Variants in DIAPH3 observed in about 807,000 individuals in gnomAD.
The protein encoded by DIAPH3 is diaphanous related formin 3, also known as protein diaphanous homolog 3.
Under a neutral mutation model 144.3 loss-of-function variants are expected in DIAPH3, and 117 were observed. The ratio of observed to expected loss-of-function variants is 0.81; its 90% CI spans 0.70 to 0.95. The LOEUF is 0.95. DIAPH3 is among the 40% of genes least tolerant of loss of function. The pLI is 0.00. For missense variants in DIAPH3, 1,421 were observed against 1,412.7 expected (o/e 1.01, Z -0.09); for synonymous variants, 519 against 488.9 (o/e 1.06, Z -0.81).
At chr13:60,089,940 G>A (rs1039426193) in intron 4 of DIAPH3, among the ~76,000 whole-genome samples, 1 of 152,080 alleles carries the variant, frequency 6.6e-6, no homozygotes, top group African/African-American at 2.4e-5. Flanking sequence ...CTTTAACAGC[G>A]GCAAAGAAAA....
intron 27 of DIAPH3, among the ~76,000 whole-genome samples, chr13:59,739,553 G>A (rs2036339742): frequency 6.6e-6 from 1 of 152,110 alleles, no homozygotes; most frequent in South Asian, 2.1e-4. Flanking sequence ...CTCTGGAACA[G>A]GCATTTTGTG....
At chr13:59,780,286 T>C (rs898419568) in intron 25 of DIAPH3, among the ~76,000 whole-genome samples, 2 of 152,164 alleles carry the variant, frequency 1.3e-5, no homozygotes, top group Non-Finnish European at 1.5e-5. Flanking sequence ...GAGTTACTCA[T>C]GTTAGGGACT....
chr13:59,757,392 C>CTTTTTT (rs558678599), intron 27 of DIAPH3, among the ~76,000 whole-genome samples: 1 of 93,046 alleles, frequency 1.1e-5, no homozygotes, highest in Non-Finnish European at 2.0e-5. Flanking sequence ...ATGGGTCATC[C>CTTTTTT]TTTTTTTTTT....
At chr13:59,878,466 T>A (rs1217198991) in intron 21 of DIAPH3, among the ~76,000 whole-genome samples, 2 of 152,148 alleles carry the variant, frequency 1.3e-5, no homozygotes, top group African/African-American at 4.8e-5. Flanking sequence ...AATTCCTTAA[T>A]CAGGGAGTGT....
At chr13:59,845,193 A>T (rs2042565533) in intron 22 of DIAPH3, among the ~76,000 whole-genome samples, 1 of 151,794 alleles carries the variant, frequency 6.6e-6, no homozygotes, top group Non-Finnish European at 1.5e-5. Flanking sequence ...TTATAGGCAT[A>T]AACCACCACC....
In DIAPH3 at chr13:59,796,759, A is replaced by C. The variant is rs115877614; in HGVS notation, c.3163+14029T>G. 9.3e-3 allele frequency among the ~76,000 whole-genome samples: 1,424 copies of C among 152,346 alleles called. 31 individuals are homozygous for C. The highest frequency in any genetic ancestry group is 0.032 in the African/African-American group (1,340 of 41,570). ...AAAGGGGGGAAAAAAACCATACTGT[A>C]TAAGAAGAGAGTCATATTTACTGTG... On this transcript the variant is annotated intron_variant, in intron 25 of 27. Coordinates refer to ENST00000400324, the MANE Select transcript of DIAPH3 (RefSeq NM_001042517.2).
At chr13:59,979,820 G>T (rs2050886450) in intron 14 of DIAPH3, among the ~76,000 whole-genome samples, 1 of 151,504 alleles carries the variant, frequency 6.6e-6, no homozygotes, top group South Asian at 2.1e-4. Context: ...GTTTGCTGTG[G>T]GTTCATCATG....
chr13:60,037,422 T>G (rs2141154236), intron 5 of DIAPH3, among the ~76,000 whole-genome samples: 1 of 152,026 alleles, frequency 6.6e-6, no homozygotes, highest in Non-Finnish European at 1.5e-5. Flanking sequence ...AGCATACAAG[T>G]GAAAAAAGAT....
intron 27 of DIAPH3, among the ~76,000 whole-genome samples, chr13:59,684,677 G>A (rs2033122610): frequency 6.6e-6 from 1 of 152,166 alleles, no homozygotes; most frequent in African/African-American, 2.4e-5. Context: ...ACAGCAGATA[G>A]ATCAGTAACA....
At chr13:60,160,048 C>A (rs932573162) in intron 1 of DIAPH3, among the ~76,000 whole-genome samples, 1 of 152,076 alleles carries the variant, frequency 6.6e-6, no homozygotes, top group African/African-American at 2.4e-5. Context: ...ACACGGTTAA[C>A]CCCGTCTCCA....
chr13:59,935,710 T>C (rs2048231663), intron 17 of DIAPH3, among the ~76,000 whole-genome samples: 1 of 152,188 alleles, frequency 6.6e-6, no homozygotes, highest in Admixed American at 6.5e-5. Flanking sequence ...TCTAGGCACA[T>C]AAATAAATGG....
At chr13:59,800,433 T>C (rs572558284) in intron 25 of DIAPH3, among the ~76,000 whole-genome samples, 1 of 152,306 alleles carries the variant, frequency 6.6e-6, no homozygotes, top group Admixed American at 6.5e-5. Context: ...TTCCGAAGAT[T>C]TCCCCATCAC....
intron 20 of DIAPH3, among the ~76,000 whole-genome samples, chr13:59,887,626 A>T (rs1466400652): frequency 6.6e-6 from 1 of 152,120 alleles, no homozygotes; most frequent in East Asian, 1.9e-4. Context: ...ATATTCCCAT[A>T]TGGTCTACCT....
chr13:59,678,367 A>C (rs2032755984), intron 27 of DIAPH3, among the ~76,000 whole-genome samples: 3 of 152,226 alleles, frequency 2.0e-5, no homozygotes, highest in Non-Finnish European at 4.4e-5. Flanking sequence ...CCTTAAAGAG[A>C]GTACTCAGGC....
intron 22 of DIAPH3, among the ~76,000 whole-genome samples, chr13:59,841,587 CTG>C (rs1421629352): frequency 2.0e-5 from 3 of 152,158 alleles, no homozygotes; most frequent in Admixed American, 6.6e-5. Flanking sequence ...GAGCAAGACC[CTG>C]TCTCTTTTAT....
At chr13:59,857,864 C>G (rs1240429658) in intron 22 of DIAPH3, among the ~76,000 whole-genome samples, 1 of 152,128 alleles carries the variant, frequency 6.6e-6, no homozygotes, top group Non-Finnish European at 1.5e-5. Flanking sequence ...CACCATGCAG[C>G]TCTGCATTGA....
chr13:59,862,437 G>C (rs561026200), intron 21 of DIAPH3, among the ~76,000 whole-genome samples: 24 of 152,186 alleles, frequency 1.6e-4, no homozygotes, highest in Non-Finnish European at 2.9e-5. Flanking sequence ...AGCATGAAGA[G>C]TGAGTTAAAA....
chr13:60,100,716 A>G (rs1460218912), intron 3 of DIAPH3, among the ~76,000 whole-genome samples: 1 of 152,126 alleles, frequency 6.6e-6, no homozygotes, highest in East Asian at 1.9e-4. Flanking sequence ...AAATTGAAAT[A>G]TTTTAATAGA....
chr13:59,753,620 T>G (rs2037123154), intron 27 of DIAPH3, among the ~76,000 whole-genome samples: 1 of 152,146 alleles, frequency 6.6e-6, no homozygotes. Context: ...TCACTTACAG[T>G]GAAATAAACA....
Sources: gnomAD v4.1 joint callset for allele counts (sites outside exome capture counted in the v4.1 genomes callset) on GRCh38, gnomAD v4.1.1 for gene constraint, MANE v1.5 for transcripts, NCBI Gene and HGNC (gene_info 2026-07-23, HGNC 2026-07-21) for gene names.